The following TAF13 variants were observed in gnomAD, a reference collection of about 807,000 sequenced individuals.
TAF13 encodes the protein TATA-box binding protein associated factor 13.
In TAF13, 9 loss-of-function variants were observed where a neutral mutation model predicts 18.7. The observed-to-expected ratio is 0.48, with a 90% confidence interval of 0.29 to 0.84. The LOEUF is 0.84. TAF13 is among the 40% of genes least tolerant of loss of function. The pLI is 0.08. For synonymous variants in TAF13, 49 were observed against 44.1 expected, an observed-to-expected ratio of 1.11 and a Z score of -0.44; for missense variants, 105 against 146.5, an observed-to-expected ratio of 0.72 and a Z score of 1.46.
At chr1:109,070,548 C>G (rs1664030771) in intron 2 of TAF13, among the ~76,000 whole-genome samples, 1 of 151,602 alleles carries the variant, frequency 6.6e-6, no homozygotes, top group South Asian at 2.1e-4. Context: ...CATGCACCAC[C>G]ACGCCGAGCT....
intron 2 of TAF13, among the ~76,000 whole-genome samples, chr1:109,068,997 G>A (rs1177820052): frequency 1.3e-5 from 2 of 152,060 alleles, no homozygotes; most frequent in Admixed American, 6.6e-5. Flanking sequence ...GGGAGACTCT[G>A]CCTCAAAAAA....
chr1:109,066,270 C>T (rs756335249), intron 2 of TAF13, 38 bp from the exon 3 acceptor site: 11 of 1,502,552 alleles, frequency 7.3e-6, no homozygotes, highest in Non-Finnish European at 8.1e-6. Flanking sequence ...TTTACTTTTA[C>T]AGATTTAACA....
chr1:109,069,992 T>C (rs776752876), intron 2 of TAF13, among the ~76,000 whole-genome samples: 1 of 152,200 alleles, frequency 6.6e-6, no homozygotes, highest in Non-Finnish European at 1.5e-5. Context: ...ATATGCCCTA[T>C]ATCCAGCTTC....
In TAF13 at chr1:109,066,213, G is replaced by A. The variant is rs762337343; in HGVS notation, c.126C>T (p.Gly42=). The A allele has an allele frequency of 6.2e-6, 10 of 1,610,876 alleles. No homozygotes were observed. In the Admixed American group the frequency reaches 1.0e-4, roughly 16 times the overall value. ...FSKELRCMMY[G]FGDDQNPYTE... ...TATAAGGATTCTGGTCATCCCCAAAGCCATACATCATACATCGCACTGTAA... is the reference window on the plus strand; with the variant it reads ...TATAAGGATTCTGGTCATCCCCAAAACCATACATCATACATCGCACTGTAA... The change falls in exon 3 of 4, where the codon GGC becomes GGT. Residue 42 remains glycine (G), a synonymous_variant. Coordinates refer to ENST00000338366, the MANE Select transcript of TAF13 (RefSeq NM_005645.4).
chr1:109,064,757 C>T, intron 3 of TAF13, 64 bp from the exon 4 acceptor site: 2 of 1,306,222 alleles, frequency 1.5e-6, no homozygotes, highest in African/African-American at 1.5e-5. Context: ...TTTTAATTTG[C>T]ATTTATTAAT....
At chr1:109,073,758 T>C (rs1011231470) in intron 2 of TAF13, among the ~76,000 whole-genome samples, 1 of 152,204 alleles carries the variant, frequency 6.6e-6, no homozygotes. Context: ...CCCAAAGTGC[T>C]GAGATTGCAG....
intron 2 of TAF13, among the ~76,000 whole-genome samples, chr1:109,067,756 T>A (rs1663977840): frequency 6.6e-6 from 1 of 152,204 alleles, no homozygotes; most frequent in South Asian, 2.1e-4. Context: ...TTTACATATA[T>A]AACTCATTTA....
At position 109,065,496 on chromosome 1, in the gene TAF13, G is replaced by GACACAC. The variant is rs112706578; in HGVS notation, c.204+633_204+638dup. ...AGAGTGAGATCCTGTCACACACACA[G>GACACAC]ACACACACACACAAAAAATTGCGTA... On this transcript the variant is annotated intron_variant, in intron 3 of 3. Coordinates refer to ENST00000338366, the MANE Select transcript of TAF13 (RefSeq NM_005645.4). Among the ~76,000 whole-genome samples, 281 of 150,154 alleles carry GACACAC rather than the reference G, an allele frequency of 1.9e-3. 3 individuals are homozygous for GACACAC. Among genetic ancestry groups the GACACAC allele is most frequent in the African/African-American group, 6.4e-3 (262 of 40,838 alleles).
chr1:109,075,008 T>G lies in TAF13; in HGVS notation c.85A>C (p.Lys29Gln), dbSNP rs924778032. The change falls in exon 2 of 4, where the codon AAG becomes CAG. Residue 29 changes from lysine (K) to glutamine (Q), a missense_variant. Physicochemically the swap from Lys to Gln is moderately conservative, Grantham distance 53. Transcript: ENST00000338366. ...GGAEGGQGKR[K>Q]RLFSKELRCM... ...TTACATTCTTTAGAAAAAAGTCTCT[T>G]TCTTTTACCCTGTCCACCTTCTGCA... is the stretch of plus-strand genomic sequence containing the variant. The G allele has an allele frequency of 6.2e-7, 1 of 1,601,456 alleles. No individual in the cohort carries two copies. The highest frequency in any genetic ancestry group is 8.5e-7 in the Non-Finnish European group (1 of 1,176,962).
rs753337538 is a variant in TAF13 at position 109,066,230 on chromosome 1, G to T, written c.109C>A (p.Arg37=). Residue 37 remains arginine (R), a splice_region_variant and synonymous_variant, in exon 3 of 4, where the codon CGA becomes AGA. Coordinates refer to ENST00000338366, the MANE Select transcript of TAF13 (RefSeq NM_005645.4). ...KRKRLFSKEL[R]CMMYGFGDDQ... The stretch of plus-strand genomic sequence containing the variant: ...TCCCCAAAGCCATACATCATACATC[G>T]CACTGTAAAAGAACAATCACTTACT... The T allele has an allele frequency of 3.1e-6, 5 of 1,593,498 alleles. No individual in the cohort carries two copies. In the East Asian group the frequency reaches 9.0e-5, roughly 29 times the overall value.
chr1:109,074,540 ACC>A (rs1282340002), intron 2 of TAF13, among the ~76,000 whole-genome samples: 74 of 152,034 alleles, frequency 4.9e-4, no homozygotes, highest in Non-Finnish European at 1.5e-4. Context: ...CCCGCCAAAT[ACC>A]CCTCTCTGAG....
intron 3 of TAF13, among the ~76,000 whole-genome samples, chr1:109,065,129 T>G (rs1362382500): frequency 6.6e-6 from 1 of 152,226 alleles, no homozygotes; most frequent in African/African-American, 2.4e-5. Flanking sequence ...TATACTCACC[T>G]GTGCAAAATC....
chr1:109,066,365 A>G, intron 2 of TAF13, 133 bp from the exon 3 acceptor site: 1 of 685,564 alleles, frequency 1.5e-6, no homozygotes, highest in Admixed American at 3.3e-5. Context: ...CGTATTTGTT[A>G]TCTCCAAGTA....
chr1:109,074,510 C>T (rs189969226), intron 2 of TAF13, among the ~76,000 whole-genome samples: 21 of 152,294 alleles, frequency 1.4e-4, no homozygotes, highest in African/African-American at 4.3e-4. Flanking sequence ...CTGACCTTCT[C>T]TCCACTATTG....
intron 2 of TAF13, among the ~76,000 whole-genome samples, chr1:109,068,840 A>T (rs555502772): frequency 2.0e-5 from 3 of 152,286 alleles, no homozygotes; most frequent in Admixed American, 6.5e-5. Context: ...CGTCTCTACT[A>T]AAAATACAAA....
intron 2 of TAF13, among the ~76,000 whole-genome samples, chr1:109,066,496 C>G (rs1157936890): frequency 6.6e-6 from 1 of 152,142 alleles, no homozygotes; most frequent in Non-Finnish European, 1.5e-5. Flanking sequence ...TTTTCCTAAT[C>G]TCTAGCATCT....
intron 3 of TAF13, among the ~76,000 whole-genome samples, chr1:109,064,971 A>C (rs761462170): frequency 2.0e-5 from 3 of 151,792 alleles, no homozygotes. Flanking sequence ...TGATATATGT[A>C]GATTTTGTCT....
At chr1:109,064,722 CT>C in intron 3 of TAF13, 29 bp from the exon 4 acceptor site, 1 of 1,399,182 alleles carries the variant, frequency 7.1e-7, no homozygotes, top group Non-Finnish European at 9.4e-7. Context: ...TTACATTTAA[CT>C]TTTTTAAATC....
chr1:109,073,700 G>C (rs372961786), intron 2 of TAF13, among the ~76,000 whole-genome samples: 96 of 152,278 alleles, frequency 6.3e-4, no homozygotes, highest in African/African-American at 2.1e-3. Context: ...GCAGTGGCGT[G>C]ATCTCGGCTC....
Sources: gnomAD v4.1 joint callset for allele counts (sites outside exome capture counted in the v4.1 genomes callset) on GRCh38, gnomAD v4.1.1 for gene constraint, MANE v1.5 for transcripts, NCBI Gene and HGNC (gene_info 2026-07-23, HGNC 2026-07-21) for gene names.